The following AMIGO3 variants were observed in gnomAD, a reference collection of about 807,000 sequenced individuals.
The protein encoded by AMIGO3 is adhesion molecule with Ig like domain 3.
A neutral mutation model predicts 4.3 loss-of-function variants in AMIGO3; 6 were observed. The observed-to-expected ratio is 1.39, with a 90% CI of 0.76 to 2.75. The LOEUF (loss-of-function observed/expected upper bound fraction) is 2.75, where lower values mean the gene tolerates loss of function less well. Ranked by LOEUF, AMIGO3 falls within the 30% of genes most tolerant of loss-of-function variation. The pLI is 0.00. For missense variants in AMIGO3, 771 were observed against 692.1 expected (o/e 1.11, Z -1.28); for synonymous variants, 315 against 320.0 (o/e 0.98, Z 0.17).
At position 49,718,842 on chromosome 3, in the gene AMIGO3, GGCC is replaced by G. The variant is rs2080314791; in HGVS notation, c.621_623del (p.Ala208del). 1 of 1,613,348 alleles carries G rather than the reference GGCC, an allele frequency of 6.2e-7. No homozygotes were observed. Among genetic ancestry groups the G allele is most frequent in the African/African-American group, 1.3e-5 (1 of 74,958 alleles). On this transcript the variant is annotated inframe_deletion, in exon 1 of 1. Coordinates refer to ENST00000320431, the MANE Select transcript of AMIGO3 (RefSeq NM_198722.3). ...GCAAGTAGAGGCCGTTCTTGAGGAA[GGCC>G]GGCAGCGCGGCCAGCTCAGGTACGG...
At position 49,717,809 on chromosome 3, in the gene AMIGO3, C is replaced by G. The variant is rs1487332663; in HGVS notation, c.*142G>C. Reference sequence around the variant, plus strand: ...GTCTCTACCAGTGAGCGAGAAGGCCCATTGTGTTTCGAGGCCCATACAGGA... The same window carrying G: ...GTCTCTACCAGTGAGCGAGAAGGCCGATTGTGTTTCGAGGCCCATACAGGA... On this transcript the variant is annotated 3_prime_UTR_variant, in exon 1 of 1. Coordinates refer to ENST00000320431, the MANE Select transcript of AMIGO3 (RefSeq NM_198722.3). The G allele has an allele frequency of 2.3e-6, 2 of 875,284 alleles. No homozygotes were observed. Among genetic ancestry groups the G allele is most frequent in the African/African-American group, 3.4e-5 (2 of 59,530 alleles). The allele number at this position is 875,284 out of a possible 1,614,324, so 54.2% of individuals were successfully genotyped here. A position where few individuals can be genotyped will look rare whatever the true frequency, so the allele number is the denominator to read the frequency against.
Position 49,718,999 on chromosome 3 carries a change from AG to A in AMIGO3, c.466del (p.Leu156CysfsTer25), listed in dbSNP as rs2080320476. The A allele has an allele frequency of 6.2e-7, 1 of 1,613,754 alleles. No individual in the cohort carries two copies. Among genetic ancestry groups the A allele is most frequent in the South Asian group, 1.1e-5 (1 of 91,096 alleles). On this transcript the variant is annotated frameshift_variant, in exon 1 of 1. Coordinates refer to ENST00000320431, the MANE Select transcript of AMIGO3 (RefSeq NM_198722.3). LOFTEE classifies it low-confidence loss of function (END_TRUNC). ...VHLDEHAFHG[L>X]RALSHLYLGC... ...CAGGTAGAGATGGCTGAGCGCGCGC[AG>A]GCCGTGGAAGGCATGCTCGTCCAAG...
At position 49,718,353 on chromosome 3, in the gene AMIGO3, C is replaced by T. The variant is rs557401374; in HGVS notation, c.1113G>A (p.Val371=). ...CCTCGGGCTCTGGGCGCGGAAAGTG[C>T]ACGCTCACGTTGTACTCGTGCGTCT... ...HNQTHEYNVS[V]HFPRPEPEAF... Residue 371 remains valine (V), a synonymous_variant, in exon 1 of 1, where the codon GTG becomes GTA. Transcript: ENST00000320431. 24 of 1,613,386 alleles carry T rather than the reference C, an allele frequency of 1.5e-5. No homozygotes were observed. In the South Asian group the frequency reaches 2.4e-4, roughly 16 times the overall value.
chr3:49,718,181 G>A lies in AMIGO3; in HGVS notation c.1285C>T (p.Leu429=). 6.2e-7 allele frequency: 1 copy of A among 1,613,158 alleles called. No individual in the cohort carries two copies. ...WPQTPSPLQE[L]SAQSSVLSTT... ...CTGAGTACTGAGGACTGTGCGCTCAGCTCTTGGAGCGGGCTGGGTGTTTGG... is the reference window on the plus strand; with the variant it reads ...CTGAGTACTGAGGACTGTGCGCTCAACTCTTGGAGCGGGCTGGGTGTTTGG... The change falls in exon 1 of 1, where the codon CTG becomes TTG. Residue 429 remains leucine, a synonymous_variant. Transcript: ENST00000320431.
At position 49,718,152 on chromosome 3, in the gene AMIGO3, G is replaced by A. The variant is rs2080287135; in HGVS notation, c.1314C>T (p.Thr438=). 1.2e-6 allele frequency: 2 copies of A among 1,613,068 alleles called. No individual in the cohort carries two copies. The highest frequency in any genetic ancestry group is 1.7e-6 in the Non-Finnish European group (2 of 1,179,868). The change falls in exon 1 of 1, where the codon ACC becomes ACT. Residue 438 remains threonine, a synonymous_variant. Transcript: ENST00000320431. The stretch of plus-strand genomic sequence containing the variant: ...TGCGGCTGGGTGCGTCTGGCGGTGT[G>A]GTGCTGAGTACTGAGGACTGTGCGC... ...ELSAQSSVLS[T]TPPDAPSRKA...
rs972583175 is a variant in AMIGO3, at chr3:49,717,741, G to C, written c.*210C>G. 2.5e-5 allele frequency: 16 copies of C among 628,672 alleles called. No homozygotes were observed. The highest frequency in any genetic ancestry group is 4.4e-5 in the Non-Finnish European group (16 of 364,256). 38.9% of individuals were successfully genotyped at this position (628,672 alleles called of 1,614,324 possible). Reference sequence around the variant, plus strand: ...GCAGGGCCTGGGGCCTTTGGGTCCTGTGCAGGGGCAGAGCAGAAGGCAGGT... The same window carrying C: ...GCAGGGCCTGGGGCCTTTGGGTCCTCTGCAGGGGCAGAGCAGAAGGCAGGT... On this transcript the variant is annotated 3_prime_UTR_variant, in exon 1 of 1. Coordinates refer to ENST00000320431, the MANE Select transcript of AMIGO3 (RefSeq NM_198722.3).
In AMIGO3 at chr3:49,717,750, C is replaced by G; in HGVS notation, c.*201G>C. On this transcript the variant is annotated 3_prime_UTR_variant, in exon 1 of 1. Coordinates refer to ENST00000320431, the MANE Select transcript of AMIGO3 (RefSeq NM_198722.3). ...GGGGCCTTTGGGTCCTGTGCAGGGG[C>G]AGAGCAGAAGGCAGGTTGGGGACCA... 1.6e-6 allele frequency: 1 copy of G among 639,504 alleles called. No individual in the cohort carries two copies. Among genetic ancestry groups the G allele is most frequent in the Non-Finnish European group, 2.7e-6 (1 of 373,746 alleles). 39.6% of individuals were successfully genotyped at this position (639,504 alleles called of 1,614,324 possible).
In AMIGO3 at chr3:49,717,785, T is replaced by C. The variant is rs1363121050; in HGVS notation, c.*166A>G. 3 of 752,094 alleles carry C rather than the reference T, an allele frequency of 4.0e-6. No individual in the cohort carries two copies. The highest frequency in any genetic ancestry group is 6.3e-6 in the Non-Finnish European group (3 of 474,362). 46.6% of individuals were successfully genotyped at this position (752,094 alleles called of 1,614,324 possible). ...GGCAGGTTGGGGACCACAACCCCTG[T>C]CTCTACCAGTGAGCGAGAAGGCCCA... On this transcript the variant is annotated 3_prime_UTR_variant, in exon 1 of 1. Coordinates refer to ENST00000320431, the MANE Select transcript of AMIGO3 (RefSeq NM_198722.3).
rs2080312032 is a variant in AMIGO3, at chr3:49,718,756, C to T, written c.710G>A (p.Arg237Gln). The T allele has an allele frequency of 1.2e-6, 2 of 1,613,212 alleles. No homozygotes were observed. Among genetic ancestry groups the T allele is most frequent in the Non-Finnish European group, 8.5e-7 (1 of 1,180,018 alleles). The change falls in exon 1 of 1, where the codon CGG (arginine) becomes CAG (glutamine). Residue 237 changes from arginine (R) to glutamine (Q), a missense_variant. Transcript: ENST00000320431. ...LYHLLQRWHQ[R>Q]GLSAVRDFAR... ...AAAGTCGCGCACGGCGCTCAGGCCC[C>T]GCTGGTGCCAGCGCTGTAGCAGGTG...
chr3:49,718,486 C>A lies in AMIGO3; in HGVS notation c.980G>T (p.Gly327Val). ...ELLRAPGSRDGSIAVLADGSL... is the reference protein window; with the variant it reads ...ELLRAPGSRDVSIAVLADGSL... ...GCCGTCGGCCAGCACCGCGATGCTG[C>A]CATCGCGGGATCCTGGCGCCCTGAG... Residue 327 changes from glycine (G) to valine (V), a missense_variant, in exon 1 of 1, where the codon GGC becomes GTC. Coordinates refer to ENST00000320431, the MANE Select transcript of AMIGO3 (RefSeq NM_198722.3). 6.2e-7 allele frequency: 1 copy of A among 1,613,046 alleles called. No homozygotes were observed.
rs754537795 is a variant in AMIGO3 at position 49,717,989 on chromosome 3, C to A, written c.1477G>T (p.Ala493Ser). Reference protein sequence around the residue: ...GLQLKAGSESASSIGSEGPMT... With the variant: ...GLQLKAGSESSSSIGSEGPMT... ...GGACCCTCGGAGCCTATGGAGCTGG[C>A]GGACTCAGAGCCAGCCTTCAGCTGC... is the stretch of plus-strand genomic sequence containing the variant. The change falls in exon 1 of 1, where the codon GCC becomes TCC. Residue 493 changes from alanine (A) to serine (S), a missense_variant. Coordinates refer to ENST00000320431, the MANE Select transcript of AMIGO3 (RefSeq NM_198722.3). 1 of 1,613,364 alleles carries A rather than the reference C, an allele frequency of 6.2e-7. No individual in the cohort carries two copies. The highest frequency in any genetic ancestry group is 8.5e-7 in the Non-Finnish European group (1 of 1,180,008).
Position 49,717,267 on chromosome 3 carries a change from A to G in AMIGO3, c.*684T>C, listed in dbSNP as rs1245948689. On this transcript the variant is annotated 3_prime_UTR_variant, in exon 1 of 1. Transcript: ENST00000320431. Reference sequence around the variant, plus strand: ...CTCTGGCTGGGGCTTAGGCCAGACCACCAGGAACCTCTTGAGGAGCCTTTC... The same window carrying G: ...CTCTGGCTGGGGCTTAGGCCAGACCGCCAGGAACCTCTTGAGGAGCCTTTC... 1 of 155,400 alleles carries G rather than the reference A, an allele frequency of 6.4e-6. No individual in the cohort carries two copies. The highest frequency in any genetic ancestry group is 2.4e-5 in the African/African-American group (1 of 41,466). 9.6% of individuals were successfully genotyped at this position (155,400 alleles called of 1,614,324 possible).
chr3:49,718,721 A>G lies in AMIGO3; in HGVS notation c.745T>C (p.Tyr249His). The change falls in exon 1 of 1, where the codon TAC becomes CAC. Residue 249 changes from tyrosine (Y) to histidine (H), a missense_variant. Coordinates refer to ENST00000320431, the MANE Select transcript of AMIGO3 (RefSeq NM_198722.3). The stretch of plus-strand genomic sequence containing the variant: ...GGTACCTTGAAGGCCAAGCATACGT[A>G]CTCGCGCGCAAAGTCGCGCACGGCG... ...LSAVRDFARE[Y>H]VCLAFKVPAS... 3 of 1,612,950 alleles carry G rather than the reference A, an allele frequency of 1.9e-6. No individual in the cohort carries two copies. The highest frequency in any genetic ancestry group is 2.5e-6 in the Non-Finnish European group (3 of 1,179,930).
In AMIGO3 at chr3:49,718,363, T is replaced by C. The variant is rs765129698; in HGVS notation, c.1103A>G (p.Asn368Ser). The C allele has an allele frequency of 6.8e-6, 11 of 1,613,254 alleles. No individual in the cohort carries two copies. In the East Asian group the frequency reaches 2.0e-4, roughly 29 times the overall value. Reference sequence around the variant, plus strand: ...TGGGCGCGGAAAGTGCACGCTCACGTTGTACTCGTGCGTCTGGTTGTGGTG... The same window carrying C: ...TGGGCGCGGAAAGTGCACGCTCACGCTGTACTCGTGCGTCTGGTTGTGGTG... ...RLHHNQTHEY[N>S]VSVHFPRPEP... The change falls in exon 1 of 1, where the codon AAC (asparagine) becomes AGC (serine). Residue 368 changes from asparagine (N) to serine (S), a missense_variant. By Grantham distance (46) the Asn-to-Ser change is conservative. Transcript: ENST00000320431.
At position 49,717,920 on chromosome 3, in the gene AMIGO3, T is replaced by TGGGGGCCTGGGTGGG; in HGVS notation, c.*16_*30dup. On this transcript the variant is annotated 3_prime_UTR_variant, in exon 1 of 1. Transcript: ENST00000320431. Reference sequence around the variant, plus strand: ...GGGAGCAGGGCGAGCAGCAAGAGGGTGGGGGCCTGGGTGGGGGAGCCCTGG... The same window carrying TGGGGGCCTGGGTGGG: ...GGGAGCAGGGCGAGCAGCAAGAGGGTGGGGGCCTGGGTGGGGGGGGCCTGGGTGGGGGAGCCCTGG... 6.4e-7 allele frequency: 1 copy of TGGGGGCCTGGGTGGG among 1,566,934 alleles called. No individual in the cohort carries two copies. Among genetic ancestry groups the TGGGGGCCTGGGTGGG allele is most frequent in the Non-Finnish European group, 8.7e-7 (1 of 1,155,884 alleles).
chr3:49,719,544 C>A lies in AMIGO3; in HGVS notation c.-79G>T, dbSNP rs2080340889. The A allele has an allele frequency of 2.4e-6, 3 of 1,257,208 alleles. No individual in the cohort carries two copies. The highest frequency in any genetic ancestry group is 2.2e-5 in the Admixed American group (1 of 44,564). 77.9% of individuals were successfully genotyped at this position (1,257,208 alleles called of 1,614,324 possible). A position where few individuals can be genotyped will look rare whatever the true frequency, so the allele number is the denominator to read the frequency against. ...GGACTCACCCTCTTCTGCTCTAGTG[C>A]GACATGGGTGGCACCGGATGGCCCT... On this transcript the variant is annotated 5_prime_UTR_variant, in exon 1 of 1. Coordinates refer to ENST00000320431, the MANE Select transcript of AMIGO3 (RefSeq NM_198722.3).
At position 49,718,191 on chromosome 3, in the gene AMIGO3, C is replaced by G; in HGVS notation, c.1275G>C (p.Pro425=). 6.2e-7 allele frequency: 1 copy of G among 1,612,914 alleles called. No homozygotes were observed. Among genetic ancestry groups the G allele is most frequent in the African/African-American group, 1.3e-5 (1 of 75,024 alleles). The change falls in exon 1 of 1, where the codon CCG becomes CCC. Residue 425 remains proline, a synonymous_variant. Coordinates refer to ENST00000320431, the MANE Select transcript of AMIGO3 (RefSeq NM_198722.3). ...RCRRWPQTPS[P]LQELSAQSSV... ...AGGACTGTGCGCTCAGCTCTTGGAGCGGGCTGGGTGTTTGGGGCCAGCGGC... is the reference window on the plus strand; with the variant it reads ...AGGACTGTGCGCTCAGCTCTTGGAGGGGGCTGGGTGTTTGGGGCCAGCGGC...
Position 49,718,764 on chromosome 3 carries a change from C to T in AMIGO3, c.702G>A (p.Trp234Ter). The stretch of plus-strand genomic sequence containing the variant: ...GCACGGCGCTCAGGCCCCGCTGGTG[C>T]CAGCGCTGTAGCAGGTGGTAGAGGC... The part of the protein sequence containing the change: ...DCRLYHLLQR[W>*]HQRGLSAVRD... The change falls in exon 1 of 1, where the codon TGG becomes TGA. Residue 234 changes from tryptophan (W) to a stop codon, truncating the protein, a stop_gained. Transcript: ENST00000320431. LOFTEE classifies it low-confidence loss of function (END_TRUNC). 4 of 1,613,276 alleles carry T rather than the reference C, an allele frequency of 2.5e-6. No homozygotes were observed. The highest frequency in any genetic ancestry group is 2.5e-6 in the Non-Finnish European group (3 of 1,180,020).
chr3:49,717,769 G>C lies in AMIGO3; in HGVS notation c.*182C>G. On this transcript the variant is annotated 3_prime_UTR_variant, in exon 1 of 1. Transcript: ENST00000320431. ...CAGGGGCAGAGCAGAAGGCAGGTTG[G>C]GGACCACAACCCCTGTCTCTACCAG... 1 of 688,952 alleles carries C rather than the reference G, an allele frequency of 1.5e-6. No homozygotes were observed. Among genetic ancestry groups the C allele is most frequent in the Non-Finnish European group, 2.4e-6 (1 of 417,994 alleles). 42.7% of individuals were successfully genotyped at this position (688,952 alleles called of 1,614,324 possible). A position where few individuals can be genotyped will look rare whatever the true frequency, so the allele number is the denominator to read the frequency against.
Sources: gnomAD v4.1 joint callset for allele counts on GRCh38, gnomAD v4.1.1 for gene constraint, MANE v1.5 for transcripts, NCBI Gene and HGNC (gene_info 2026-07-23, HGNC 2026-07-21) for gene names.